The following SAMD5 variants were observed in gnomAD, a reference collection of about 807,000 sequenced individuals.
SAMD5 encodes sterile alpha motif domain containing 5.
SAMD5 carries 13 observed loss-of-function variants against 11.3 expected under a neutral mutation model. That is an observed-to-expected ratio of 1.15 (90% CI 0.75 to 1.83). The LOEUF is 1.83. Ranked by LOEUF, SAMD5 falls within the 40% of genes most tolerant of loss-of-function variation. The pLI is 0.00. For missense variants in SAMD5, 255 were observed against 239.1 expected (o/e 1.07, Z -0.44); for synonymous variants, 129 against 111.3 (o/e 1.16, Z -1.00).
intron 1 of SAMD5, among the ~76,000 whole-genome samples, chr6:147,538,840 A>T (rs1788554259): frequency 6.6e-6 from 1 of 152,224 alleles, no homozygotes; most frequent in Admixed American, 6.5e-5. Context: ...GACCGAGGTC[A>T]TGTGAACAAA....
At chr6:147,924,791 TAAA>T in the SAMD5 span, among the ~76,000 whole-genome samples, 1 of 150,030 alleles carries the variant, frequency 6.7e-6, no homozygotes, top group Admixed American at 6.6e-5. Flanking sequence ...AATAAATAAA[TAAA>T]TAAATAAATA....
intron 1 of SAMD5, among the ~76,000 whole-genome samples, chr6:147,579,590 C>A (rs907856076): frequency 6.7e-6 from 1 of 149,494 alleles, no homozygotes; most frequent in African/African-American, 2.5e-5. Context: ...CTCAGTTTCT[C>A]GTGTAGCTGG....
chr6:147,876,820 G>C, the SAMD5 span, among the ~76,000 whole-genome samples: 1 of 152,168 alleles, frequency 6.6e-6, no homozygotes, highest in South Asian at 2.1e-4. Context: ...GCAATTATGG[G>C]TGATCAAATA....
the SAMD5 span, among the ~76,000 whole-genome samples, chr6:147,775,222 G>A: frequency 2.8e-5 from 4 of 142,002 alleles, no homozygotes; most frequent in African/African-American, 7.9e-5. Flanking sequence ...AGATGATGTG[G>A]GTTCAAATCC....
Position 147,508,782 on chromosome 6 carries a change from C to T in SAMD5, c.-147C>T. The T allele has an allele frequency of 4.0e-6, 5 of 1,262,392 alleles. No individual in the cohort carries two copies. The highest frequency in any genetic ancestry group is 5.2e-6 in the Non-Finnish European group (5 of 953,840). The allele number at this position is 1,262,392 out of a possible 1,614,324, so 78.2% of individuals were successfully genotyped here. ...GGCTTCTTCTGATGGTTTTCCGTCT[C>T]CTGCCCGAGCCTTTCCTTTAAAAGG... On this transcript the variant is annotated 5_prime_UTR_variant, in exon 1 of 2. Transcript: ENST00000367474.
the SAMD5 span, among the ~76,000 whole-genome samples, chr6:147,849,631 C>T: frequency 5.9e-5 from 9 of 152,036 alleles, no homozygotes; most frequent in East Asian, 3.9e-4. Flanking sequence ...TGCAGCTTTA[C>T]GATTAATTGT....
At chr6:147,932,624 GTGTGTGTGTGTGTGTT>G in the SAMD5 span, among the ~76,000 whole-genome samples, 3 of 140,498 alleles carry the variant, frequency 2.1e-5, no homozygotes, top group Non-Finnish European at 3.1e-5. Context: ...GTGTGTGTGT[GTGTGTGTGTGTGTGTT>G]GGGGGAGGGG....
At chr6:147,659,810 T>C (rs1185131154) in intron 1 of SAMD5, among the ~76,000 whole-genome samples, 1 of 152,190 alleles carries the variant, frequency 6.6e-6, no homozygotes, top group African/African-American at 2.4e-5. Flanking sequence ...TCACCGGTGA[T>C]AGATTTTCAT....
the SAMD5 span, among the ~76,000 whole-genome samples, chr6:147,909,618 T>TCTCTCTCTC: frequency 9.2e-5 from 7 of 76,434 alleles, no homozygotes; most frequent in Admixed American, 2.8e-4. Flanking sequence ...CTTTCTTTCT[T>TCTCTCTCTC]TCTTTCTTTC....
chr6:147,902,336 G>A, the SAMD5 span, among the ~76,000 whole-genome samples: 5 of 152,144 alleles, frequency 3.3e-5, no homozygotes, highest in South Asian at 2.1e-4. Context: ...AAACTACACC[G>A]AGAAAGTTTG....
chr6:147,793,759 G>A, the SAMD5 span, among the ~76,000 whole-genome samples: 1 of 152,068 alleles, frequency 6.6e-6, no homozygotes, highest in Admixed American at 6.6e-5. Flanking sequence ...TCTACATTCA[G>A]CCTCTAAGTT....
At chr6:147,909,762 G>A in the SAMD5 span, among the ~76,000 whole-genome samples, 1 of 151,838 alleles carries the variant, frequency 6.6e-6, no homozygotes, top group Non-Finnish European at 1.5e-5. Context: ...AGGTTGAGTC[G>A]CTGTGACAGA....
chr6:147,596,288 C>T (rs952512810), intron 1 of SAMD5, among the ~76,000 whole-genome samples: 15 of 152,140 alleles, frequency 9.9e-5, no homozygotes, highest in African/African-American at 3.4e-4. Flanking sequence ...GGTTATTGGC[C>T]GATGACTGTC....
At chr6:147,720,379 C>T (rs1252740074) in intron 1 of SAMD5, among the ~76,000 whole-genome samples, 5 of 152,040 alleles carry the variant, frequency 3.3e-5, no homozygotes, top group South Asian at 2.1e-4. Flanking sequence ...AGGAGAATGG[C>T]GGGAACCCAG....
At chr6:147,933,556 A>T in the SAMD5 span, among the ~76,000 whole-genome samples, 2 of 152,176 alleles carry the variant, frequency 1.3e-5, no homozygotes. Flanking sequence ...AAGTATCTTC[A>T]TTCCTATCCA....
chr6:147,817,388 T>C, the SAMD5 span, among the ~76,000 whole-genome samples: 1 of 152,242 alleles, frequency 6.6e-6, no homozygotes, highest in Non-Finnish European at 1.5e-5. Flanking sequence ...TGACTACATC[T>C]GATCTCAGCA....
chr6:147,755,854 G>C, the SAMD5 span, among the ~76,000 whole-genome samples: 1 of 151,846 alleles, frequency 6.6e-6, no homozygotes, highest in Non-Finnish European at 1.5e-5. Flanking sequence ...TATAAATAAA[G>C]ACTTTTAATT....
At chr6:147,654,471 T>C (rs1189697990) in intron 1 of SAMD5, among the ~76,000 whole-genome samples, 1 of 152,206 alleles carries the variant, frequency 6.6e-6, no homozygotes, top group South Asian at 2.1e-4. Flanking sequence ...TTTCAGTGAC[T>C]CTCAGGAATT....
chr6:147,539,163 C>G (rs750793979), intron 1 of SAMD5, among the ~76,000 whole-genome samples: 23 of 152,306 alleles, frequency 1.5e-4, no homozygotes, highest in Non-Finnish European at 1.2e-4. Context: ...TATACTGGAT[C>G]CTGGATCCCC....
Sources: gnomAD v4.1 joint callset for allele counts (sites outside exome capture counted in the v4.1 genomes callset) on GRCh38, gnomAD v4.1.1 for gene constraint, MANE v1.5 for transcripts, NCBI Gene and HGNC (gene_info 2026-07-23, HGNC 2026-07-21) for gene names.